The following TAFA4 variants were observed in gnomAD, a reference collection of about 807,000 sequenced individuals.
TAFA4 encodes TAFA chemokine like family member 4, also known as chemokine-like protein TAFA-4.
TAFA4 carries 20 observed loss-of-function variants against 21.1 expected under a neutral mutation model. That is an observed-to-expected ratio of 0.95 (90% CI 0.67 to 1.38). TAFA4 has a LOEUF of 1.38. Among genes scored for constraint, TAFA4 ranks in the 40% most tolerant of loss-of-function variants. The probability of loss-of-function intolerance (pLI) is 0.00; values close to 1 mark genes in which losing one functional copy is unlikely to be tolerated. For missense variants in TAFA4, 211 were observed against 180.9 expected (o/e 1.17, Z -0.95); for synonymous variants, 71 against 67.4 (o/e 1.05, Z -0.26).
At chr3:68,760,509 C>T (rs1335323827) in intron 3 of TAFA4, among the ~76,000 whole-genome samples, 1 of 152,118 alleles carries the variant, frequency 6.6e-6, no homozygotes, top group African/African-American at 2.4e-5. Flanking sequence ...CCTTTTTCCC[C>T]TTCCTCCTCC....
intron 1 of TAFA4, among the ~76,000 whole-genome samples, chr3:68,926,683 C>T (rs935159042): frequency 2.6e-5 from 4 of 152,042 alleles, no homozygotes; most frequent in African/African-American, 9.7e-5. Context: ...GAGGCTGAAG[C>T]GGGCAGATCA....
At chr3:68,919,460 C>G (rs1037636663) in intron 1 of TAFA4, among the ~76,000 whole-genome samples, 4 of 152,150 alleles carry the variant, frequency 2.6e-5, no homozygotes, top group African/African-American at 9.7e-5. Flanking sequence ...CTCTCTAAAA[C>G]TTTTTGGGAC....
intron 3 of TAFA4, among the ~76,000 whole-genome samples, chr3:68,820,653 A>G (rs1704093876): frequency 6.6e-6 from 1 of 152,234 alleles, no homozygotes; most frequent in Non-Finnish European, 1.5e-5. Flanking sequence ...GCAGCAGAAC[A>G]AGACCCTGTT....
At chr3:68,755,765 C>G (rs560035414) in intron 3 of TAFA4, among the ~76,000 whole-genome samples, 2 of 152,300 alleles carry the variant, frequency 1.3e-5, no homozygotes, top group Admixed American at 6.5e-5. Flanking sequence ...ATAGCCGAGT[C>G]AGTAAACTTG....
At position 68,731,968 on chromosome 3, in the gene TAFA4, T is replaced by TATG. The variant is rs1163233478; in HGVS notation, c.*1171_*1173dup. The TATG allele has an allele frequency of 1.1e-4, 16 of 152,376 alleles. No homozygotes were observed. The highest frequency in any genetic ancestry group is 3.8e-4 in the African/African-American group (16 of 41,590). 9.4% of individuals were successfully genotyped at this position (152,376 alleles called of 1,614,324 possible). A position where few individuals can be genotyped will look rare whatever the true frequency, so the allele number is the denominator to read the frequency against. ...GGGATAATTAACTTGGTGCAGAAACTATGTTTTTGGCATTTCTTAATATAT... is the reference window on the plus strand; with the variant it reads ...GGGATAATTAACTTGGTGCAGAAACTATGATGTTTTTGGCATTTCTTAATATAT... On this transcript the variant is annotated 3_prime_UTR_variant, in exon 6 of 6. Transcript: ENST00000295569.
chr3:68,855,610 GA>G (rs1464970644), intron 3 of TAFA4, among the ~76,000 whole-genome samples: 3 of 152,078 alleles, frequency 2.0e-5, no homozygotes, highest in Admixed American at 6.6e-5. Flanking sequence ...AAGTAGGGGG[GA>G]AAAAAGTTGT....
At chr3:68,882,490 C>T (rs931626669) in intron 2 of TAFA4, among the ~76,000 whole-genome samples, 1 of 152,174 alleles carries the variant, frequency 6.6e-6, no homozygotes, top group Admixed American at 6.5e-5. Flanking sequence ...AGAAGGGTCT[C>T]CACAGTCCCT....
intron 3 of TAFA4, among the ~76,000 whole-genome samples, chr3:68,837,881 A>G (rs1418153876): frequency 6.6e-6 from 1 of 151,800 alleles, no homozygotes; most frequent in Non-Finnish European, 1.5e-5. Context: ...TTTATTATTT[A>G]ATTCTTTTTT....
intron 3 of TAFA4, among the ~76,000 whole-genome samples, chr3:68,806,759 T>C (rs1183720507): frequency 6.6e-6 from 1 of 152,162 alleles, no homozygotes; most frequent in African/African-American, 2.4e-5. Flanking sequence ...TTGAACTTGC[T>C]TTCCCTTCTC....
At chr3:68,884,178 T>C (rs1036148453) in intron 2 of TAFA4, among the ~76,000 whole-genome samples, 3 of 152,224 alleles carry the variant, frequency 2.0e-5, no homozygotes, top group African/African-American at 7.2e-5. Flanking sequence ...TGCCTTCAGA[T>C]CCATTCCTCC....
At position 68,932,312 on chromosome 3, in the gene TAFA4, G is replaced by A. The variant is rs1189261479; in HGVS notation, c.-195C>T. 6.6e-6 allele frequency: 1 copy of A among 152,388 alleles called. No homozygotes were observed. Among genetic ancestry groups the A allele is most frequent in the African/African-American group, 2.4e-5 (1 of 41,450 alleles). 9.4% of individuals were successfully genotyped at this position (152,388 alleles called of 1,614,324 possible). A position where few individuals can be genotyped will look rare whatever the true frequency, so the allele number is the denominator to read the frequency against. ...TACTGATCGCCGCACCGGAGCCCGA[G>A]GACGCTCACCGTGCCGCCTCCCCGC... On this transcript the variant is annotated 5_prime_UTR_variant, in exon 1 of 6. Transcript: ENST00000295569.
intron 4 of TAFA4, among the ~76,000 whole-genome samples, chr3:68,743,575 C>CAAA (rs1156284708): frequency 1.2e-4 from 8 of 65,774 alleles, no homozygotes; most frequent in African/African-American, 3.9e-4. Context: ...GACTCTGTCT[C>CAAA]AAAAAAAAAA....
At chr3:68,919,908 T>C (rs1390655955) in intron 1 of TAFA4, among the ~76,000 whole-genome samples, 2 of 152,174 alleles carry the variant, frequency 1.3e-5, no homozygotes, top group Non-Finnish European at 2.9e-5. Flanking sequence ...TTTTTAATGC[T>C]CTAAAACACA....
intron 1 of TAFA4, among the ~76,000 whole-genome samples, chr3:68,886,769 T>C (rs190078305): frequency 6.6e-6 from 1 of 152,354 alleles, no homozygotes; most frequent in African/African-American, 2.4e-5. Context: ...CTCTTTCTTG[T>C]CATGTCTTAG....
chr3:68,782,181 A>C (rs894489559), intron 3 of TAFA4, among the ~76,000 whole-genome samples: 2 of 152,178 alleles, frequency 1.3e-5, no homozygotes, highest in African/African-American at 2.4e-5. Context: ...AACCCAACTT[A>C]TAAAGGGCTT....
At chr3:68,899,505 A>G (rs1052443040) in intron 1 of TAFA4, among the ~76,000 whole-genome samples, 1 of 152,068 alleles carries the variant, frequency 6.6e-6, no homozygotes, top group South Asian at 2.1e-4. Flanking sequence ...CTAGGAAGCC[A>G]TTCCTCCTAT....
At chr3:68,788,448 G>C (rs545667422) in intron 3 of TAFA4, among the ~76,000 whole-genome samples, 3 of 152,256 alleles carry the variant, frequency 2.0e-5, no homozygotes, top group Non-Finnish European at 2.9e-5. Context: ...ACAAGTCTTT[G>C]CTGTGCAGAA....
At chr3:68,736,854 T>G (rs572651435) in intron 5 of TAFA4, among the ~76,000 whole-genome samples, 11 of 152,262 alleles carry the variant, frequency 7.2e-5, no homozygotes, top group African/African-American at 2.4e-4. Context: ...ACTTCAAGAT[T>G]ATTCTCAAGT....
intron 3 of TAFA4, among the ~76,000 whole-genome samples, chr3:68,838,515 G>A (rs1489081113): frequency 6.6e-6 from 1 of 152,122 alleles, no homozygotes; most frequent in Non-Finnish European, 1.5e-5. Context: ...CAAGTATTTC[G>A]TGAGAACCTG....
Sources: gnomAD v4.1 joint callset for allele counts (sites outside exome capture counted in the v4.1 genomes callset) on GRCh38, gnomAD v4.1.1 for gene constraint, MANE v1.5 for transcripts, NCBI Gene and HGNC (gene_info 2026-07-23, HGNC 2026-07-21) for gene names.